Variants in STX1B observed in about 807,000 individuals in gnomAD.
The protein encoded by STX1B is syntaxin 1B, also known as syntaxin-1B.
STX1B carries 7 observed loss-of-function variants against 39.4 expected under a neutral mutation model. The observed-to-expected ratio is 0.18, with a 90% CI of 0.10 to 0.33. STX1B has a LOEUF of 0.33. Ranked by LOEUF, STX1B falls within the 10% of genes least tolerant of loss-of-function variation. The pLI, the probability that STX1B is intolerant of heterozygous loss-of-function variation, is 1.00. For missense variants in STX1B, 198 were observed against 383.2 expected, an observed-to-expected ratio of 0.52 and a Z score of 4.04; for synonymous variants, 136 against 144.1, an observed-to-expected ratio of 0.94 and a Z score of 0.40.
intron 7 of STX1B, 94 bp downstream of exon 7, chr16:30,996,589 T>C: frequency 4.3e-6 from 5 of 1,170,104 alleles, no homozygotes; most frequent in Non-Finnish European, 6.2e-6. Flanking sequence ...CTGCTCATTT[T>C]TCCAGGGTGG....
chr16:30,995,046 G>A (rs2056585077), intron 7 of STX1B, among the ~76,000 whole-genome samples: 1 of 151,748 alleles, frequency 6.6e-6, no homozygotes, highest in African/African-American at 2.4e-5. Flanking sequence ...CGAGTAGCTG[G>A]GACCACAGGC....
intron 8 of STX1B, 34 bp downstream of exon 8, chr16:30,993,313 G>A: frequency 6.2e-7 from 1 of 1,613,588 alleles, no homozygotes; most frequent in Non-Finnish European, 8.5e-7. Flanking sequence ...GCCCAGGGAG[G>A]CTCCCAGAGT....
intron 1 of STX1B, among the ~76,000 whole-genome samples, chr16:31,005,009 A>G (rs1446892243): frequency 6.6e-6 from 1 of 152,170 alleles, no homozygotes; most frequent in African/African-American, 2.4e-5. Context: ...TGCAGCCAGG[A>G]CAGAAAATCA....
chr16:30,992,600 G>T lies in STX1B; in HGVS notation c.*221C>A, dbSNP rs916416508. On this transcript the variant is annotated 3_prime_UTR_variant, in exon 10 of 10. Coordinates refer to ENST00000215095, the MANE Select transcript of STX1B (RefSeq NM_052874.5). ...ATGTGCCGGCGGCATGCATGTTGGT[G>T]TGCATGTGTAATCACGCCTGCTGCG... 84 of 508,116 alleles carry T rather than the reference G, an allele frequency of 1.7e-4. 1 individual carries two copies. In the African/African-American group the frequency reaches 1.7e-3, roughly 10 times the overall value. 31.5% of individuals were successfully genotyped at this position (508,116 alleles called of 1,614,324 possible). A position where few individuals can be genotyped will look rare whatever the true frequency, so the allele number is the denominator to read the frequency against.
chr16:30,996,873 C>T, intron 6 of STX1B, 78 bp downstream of exon 6: 2 of 1,571,300 alleles, frequency 1.3e-6, no homozygotes, highest in East Asian at 4.5e-5. Flanking sequence ...CAGGGGCCCC[C>T]TCCAGAGAGG....
At chr16:31,000,841 G>T in intron 4 of STX1B, 87 bp downstream of exon 4, 1 of 1,334,806 alleles carries the variant, frequency 7.5e-7, no homozygotes, top group Non-Finnish European at 1.1e-6. Flanking sequence ...TTGAGCAATT[G>T]GCCCCGCCTC....
In STX1B at chr16:30,996,939, G is replaced by A. The variant is rs753988086; in HGVS notation, c.463+12C>T. 1 of 1,608,554 alleles carries A rather than the reference G, an allele frequency of 6.2e-7. No homozygotes were observed. Among genetic ancestry groups the A allele is most frequent in the South Asian group, 1.1e-5 (1 of 90,764 alleles). On this transcript the variant is annotated intron_variant, in intron 6 of 9. Coordinates refer to ENST00000215095, the MANE Select transcript of STX1B (RefSeq NM_052874.5). Reference sequence around the variant, plus strand: ...AAGGAGTTCGGGGTCCTGGGGTGGGGGGCACACGCACTGATCTCCAGTTGC... The same window carrying A: ...AAGGAGTTCGGGGTCCTGGGGTGGGAGGCACACGCACTGATCTCCAGTTGC...
In STX1B at chr16:31,001,629, T is replaced by C. The variant is rs758965468; in HGVS notation, c.31-26A>G. 2.5e-6 allele frequency: 4 copies of C among 1,601,716 alleles called. No homozygotes were observed. In the Admixed American group the frequency reaches 6.7e-5, roughly 27 times the overall value. On this transcript the variant is annotated intron_variant, in intron 1 of 9. Transcript: ENST00000215095. This position sits in a 1 kb window ranked among gnomAD's most constrained non-coding sequence, Gnocchi z 5.5. ...CTGGGGACAAGGAAGGCTGAGTCCATGAGCAGGCCCTACCTGGGTCCCCAA... is the reference window on the plus strand; with the variant it reads ...CTGGGGACAAGGAAGGCTGAGTCCACGAGCAGGCCCTACCTGGGTCCCCAA...
intron 7 of STX1B, 134 bp downstream of exon 7, chr16:30,996,548 GA>G: frequency 1.3e-6 from 1 of 787,076 alleles, no homozygotes; most frequent in South Asian, 1.7e-5. Context: ...CGCTCCCATG[GA>G]ATTCCCCAGT....
chr16:31,010,075 C>T (rs968077350), intron 1 of STX1B, among the ~76,000 whole-genome samples: 4 of 152,120 alleles, frequency 2.6e-5, no homozygotes, highest in African/African-American at 7.2e-5. Flanking sequence ...TCCACTCTCT[C>T]CCATCCCCAG....
At chr16:31,010,124 G>A (rs948544491) in intron 1 of STX1B, among the ~76,000 whole-genome samples, 7 of 152,156 alleles carry the variant, frequency 4.6e-5, no homozygotes, top group African/African-American at 1.7e-4. Context: ...CGGGGTGTTC[G>A]AGGCCCCTGA....
At chr16:30,996,481 A>T in intron 7 of STX1B, 1 of 580,352 alleles carries the variant, frequency 1.7e-6, no homozygotes, top group Non-Finnish European at 3.1e-6. Flanking sequence ...GAAAGTGCTT[A>T]GAACAGTGCC....
At chr16:31,000,000 CT>C (rs957640442) in intron 4 of STX1B, among the ~76,000 whole-genome samples, 353 of 140,452 alleles carry the variant, frequency 2.5e-3, no homozygotes, top group Admixed American at 2.4e-3. Context: ...TGGCAAAGTT[CT>C]TTTTTTTTTT....
At chr16:31,002,436 C>A (rs1567379914) in intron 1 of STX1B, among the ~76,000 whole-genome samples, 1 of 152,108 alleles carries the variant, frequency 6.6e-6, no homozygotes, top group African/African-American at 2.4e-5. Context: ...GGAATAGGCC[C>A]CCCCGACACC....
chr16:30,993,514 AC>A (rs746425982), intron 7 of STX1B, 30 bp from the exon 8 acceptor site: 26 of 1,609,466 alleles, frequency 1.6e-5, no homozygotes, highest in Middle Eastern at 3.3e-4. Context: ...AGCTACAATC[AC>A]CCTTCTCCGC....
rs1482908756 is a variant in STX1B at position 31,000,948 on chromosome 16, T to G, written c.260A>C (p.Lys87Thr). Residue 87 changes from lysine (K) to threonine (T), a missense_variant, in exon 4 of 10, where the codon AAG (lysine) becomes ACG (threonine). Lys to Thr is a moderately conservative substitution (Grantham distance 78). Coordinates refer to ENST00000215095, the MANE Select transcript of STX1B (RefSeq NM_052874.5). ...LTADIKKTANKVRSKLKAIEQ... is the reference protein window; with the variant it reads ...LTADIKKTANTVRSKLKAIEQ... ...CTCACCTTTCAATTTGGACCGAACC[T>G]TGTTGGCCGTCTTCTTGATGTCTGC... 6.2e-7 allele frequency: 1 copy of G among 1,614,152 alleles called. No individual in the cohort carries two copies. Among genetic ancestry groups the G allele is most frequent in the Non-Finnish European group, 8.5e-7 (1 of 1,180,030 alleles).
At chr16:30,997,253 C>T (rs1415559006) in intron 5 of STX1B, among the ~76,000 whole-genome samples, 194 bp from the exon 6 acceptor site, 1 of 152,202 alleles carries the variant, frequency 6.6e-6, no homozygotes, top group African/African-American at 2.4e-5. Flanking sequence ...GTTCCCTACC[C>T]GCCCGGCACC....
chr16:30,991,884 A>G lies in STX1B; in HGVS notation c.*937T>C, dbSNP rs1466447686. 1 of 152,208 alleles carries G rather than the reference A, an allele frequency of 6.6e-6. No individual in the cohort carries two copies. Among genetic ancestry groups the G allele is most frequent in the East Asian group, 1.9e-4 (1 of 5,196 alleles). The allele number at this position is 152,208 out of a possible 1,614,324, so 9.4% of individuals were successfully genotyped here. On this transcript the variant is annotated 3_prime_UTR_variant, in exon 10 of 10. Coordinates refer to ENST00000215095, the MANE Select transcript of STX1B (RefSeq NM_052874.5). ...CTCCGTCTCGAAAAAAACAAAAAAC[A>G]AAAAACAAAAAAAAATTAAAAAGCA...
At chr16:31,009,310 C>T (rs2056669321) in intron 1 of STX1B, among the ~76,000 whole-genome samples, 1 of 152,152 alleles carries the variant, frequency 6.6e-6, no homozygotes, top group Non-Finnish European at 1.5e-5. Context: ...AAGTCCCTTC[C>T]CACGCCTGAA....
Sources: gnomAD v4.1 joint callset for allele counts (sites outside exome capture counted in the v4.1 genomes callset) on GRCh38, gnomAD v4.1.1 for gene constraint, Gnocchi (gnomAD v3.1) non-coding constraint, MANE v1.5 for transcripts, NCBI Gene and HGNC (gene_info 2026-07-23, HGNC 2026-07-21) for gene names.